Variants in SCPEP1 observed in about 807,000 individuals in gnomAD.
The protein encoded by SCPEP1 is serine carboxypeptidase 1.
In SCPEP1, 51 loss-of-function variants were observed where a neutral mutation model predicts 63.8. The observed-to-expected ratio is 0.80, with a 90% CI of 0.64 to 1.01. SCPEP1 has a LOEUF of 1.01. SCPEP1 is among the 50% of genes least tolerant of loss of function. SCPEP1 has a pLI of 0.00. For synonymous variants in SCPEP1, 204 were observed against 207.8 expected, an observed-to-expected ratio of 0.98 and a Z score of 0.16; for missense variants, 499 against 554.9, an observed-to-expected ratio of 0.90 and a Z score of 1.01.
At chr17:56,996,820 A>G (rs1911578470) in intron 8 of SCPEP1, 142 bp from the exon 9 acceptor site, 1 of 526,550 alleles carries the variant, frequency 1.9e-6, no homozygotes, top group African/African-American at 1.9e-5. Flanking sequence ...GGCCCAGCCA[A>G]AGCTCTATTT....
chr17:56,988,595 C>A (rs1911295164), intron 5 of SCPEP1, among the ~76,000 whole-genome samples: 1 of 150,760 alleles, frequency 6.6e-6, no homozygotes, highest in Non-Finnish European at 1.5e-5. Context: ...GTATGTGTAT[C>A]ATATATTTGT....
chr17:56,978,314 T>C, intron 1 of SCPEP1, 79 bp downstream of exon 1: 2 of 1,421,688 alleles, frequency 1.4e-6, no homozygotes, highest in Non-Finnish European at 1.9e-6. Context: ...GGGTTTGTGC[T>C]TTTGAAAACA....
At chr17:57,004,437 T>C (rs994751425) in intron 12 of SCPEP1, among the ~76,000 whole-genome samples, 1 of 152,194 alleles carries the variant, frequency 6.6e-6, no homozygotes, top group Non-Finnish European at 1.5e-5. Flanking sequence ...GAGGGCATTA[T>C]TTATGGCTCT....
chr17:56,996,706 GA>G (rs1911573865), intron 8 of SCPEP1, among the ~76,000 whole-genome samples: 1 of 149,084 alleles, frequency 6.7e-6, no homozygotes, highest in Non-Finnish European at 1.5e-5. Context: ...TTTCAGTAGA[GA>G]GGGGTTTCAC....
rs746785694 is a variant in SCPEP1 at position 57,002,042 on chromosome 17, T to G, written c.1157T>G (p.Leu386Arg). ...GGTCAGGAGGCCTGGGTGCGGAAAC[T>G]GAAGTGGCCAGAACTGCCTAAATTC... ...TMGQEAWVRK[L>R]KWPELPKFSQ... Residue 386 changes from leucine (L) to arginine (R), a missense_variant, in exon 12 of 13, where the codon CTG (leucine) becomes CGG (arginine). Physicochemically the swap from Leu to Arg is moderately radical, Grantham distance 102 (BLOSUM62 -2). Coordinates refer to ENST00000262288, the MANE Select transcript of SCPEP1 (RefSeq NM_021626.3). 6.2e-7 allele frequency: 1 copy of G among 1,614,130 alleles called. No individual in the cohort carries two copies. The highest frequency in any genetic ancestry group is 1.1e-5 in the South Asian group (1 of 91,066).
At chr17:57,004,409 C>G (rs1399663091) in intron 12 of SCPEP1, among the ~76,000 whole-genome samples, 3 of 152,106 alleles carry the variant, frequency 2.0e-5, no homozygotes, top group Non-Finnish European at 4.4e-5. Flanking sequence ...ACAAACAAGG[C>G]AGCAGGGCAC....
At chr17:56,992,689 T>C (rs1911436763) in intron 6 of SCPEP1, among the ~76,000 whole-genome samples, 2 of 152,184 alleles carry the variant, frequency 1.3e-5, no homozygotes, top group South Asian at 4.1e-4. Flanking sequence ...GCTATCATTA[T>C]CCTAATTTTG....
chr17:56,996,195 T>A (rs952801637), intron 8 of SCPEP1, among the ~76,000 whole-genome samples: 1 of 152,062 alleles, frequency 6.6e-6, no homozygotes, highest in African/African-American at 2.4e-5. Flanking sequence ...TTTTTACTTT[T>A]TCTTTTTTCC....
intron 12 of SCPEP1, among the ~76,000 whole-genome samples, chr17:57,002,886 A>G (rs1911782625): frequency 6.6e-6 from 1 of 151,786 alleles, no homozygotes; most frequent in Non-Finnish European, 1.5e-5. Context: ...AAAAAAAAAA[A>G]AAAAAGAAAA....
intron 6 of SCPEP1, among the ~76,000 whole-genome samples, chr17:56,993,468 A>G (rs1174460319): frequency 6.6e-6 from 1 of 152,074 alleles, no homozygotes; most frequent in East Asian, 1.9e-4. Context: ...TTTGAGATGG[A>G]GTTTTGCTCT....
intron 5 of SCPEP1, among the ~76,000 whole-genome samples, chr17:56,990,842 C>T (rs1478428567): frequency 6.6e-6 from 1 of 151,948 alleles, no homozygotes; most frequent in Non-Finnish European, 1.5e-5. Context: ...GCCATGCTGC[C>T]CAGGCTAGCC....
chr17:56,986,778 C>G (rs996248521), intron 3 of SCPEP1, among the ~76,000 whole-genome samples: 8 of 152,056 alleles, frequency 5.3e-5, no homozygotes, highest in African/African-American at 1.9e-4. Flanking sequence ...ATCTCCTGAC[C>G]TCGTGATCCT....
chr17:57,005,518 G>A (rs528121546), intron 12 of SCPEP1, among the ~76,000 whole-genome samples: 2 of 152,260 alleles, frequency 1.3e-5, no homozygotes, highest in East Asian at 1.9e-4. Flanking sequence ...AAGGATGGGT[G>A]TGCCATAGAG....
In SCPEP1 at chr17:56,998,433, G is replaced by C; in HGVS notation, c.929G>C (p.Ser310Thr). Reference protein sequence around the residue: ...HVRHLQRDALSQLMNGPIRKK... With the variant: ...HVRHLQRDALTQLMNGPIRKK... ...AGACACCTACAACGAGATGCCTTAAGCCAGCTCATGAATGGCCCCATCAGA... is the reference window on the plus strand; with the variant it reads ...AGACACCTACAACGAGATGCCTTAACCCAGCTCATGAATGGCCCCATCAGA... The change falls in exon 10 of 13, where the codon AGC becomes ACC. Residue 310 changes from serine to threonine, a missense_variant. By Grantham distance (58) the Ser-to-Thr change is moderately conservative. Coordinates refer to ENST00000262288, the MANE Select transcript of SCPEP1 (RefSeq NM_021626.3). The C allele has an allele frequency of 6.2e-7, 1 of 1,613,884 alleles. No homozygotes were observed. The highest frequency in any genetic ancestry group is 2.2e-5 in the East Asian group (1 of 44,872).
intron 3 of SCPEP1, 23 bp from the exon 4 acceptor site, chr17:56,987,672 T>C: frequency 6.2e-7 from 1 of 1,605,320 alleles, no homozygotes; most frequent in East Asian, 2.2e-5. Context: ...TTGCAACATT[T>C]CGTTTTCCTC....
Position 57,001,683 on chromosome 17 carries a change from C to G in SCPEP1, c.1133-335C>G, listed in dbSNP as rs186278658. Among the ~76,000 whole-genome samples the G allele has an allele frequency of 9.8e-5, 15 of 152,340 alleles. 1 individual carries two copies. The highest frequency in any genetic ancestry group is 9.6e-4 in the East Asian group (5 of 5,186). ...GTGATCCTTATCACTATCTCGTTCA[C>G]GACATCTCTCAGTCCTCCTCACAGG... is the stretch of plus-strand genomic sequence containing the variant. On this transcript the variant is annotated intron_variant, in intron 11 of 12. Coordinates refer to ENST00000262288, the MANE Select transcript of SCPEP1 (RefSeq NM_021626.3).
rs1174225621 is a variant in SCPEP1, at chr17:56,979,291, T to C, written c.76+1056T>C. On this transcript the variant is annotated intron_variant, in intron 1 of 12. Transcript: ENST00000262288. ...GACACAGGCCACCACCCTGGCTCTT[T>C]CTTATTTACAAGACGTTGTCTCATT... Among the ~76,000 whole-genome samples the C allele has an allele frequency of 5.3e-5, 8 of 152,308 alleles. 1 individual carries two copies. The South Asian group carries it at 8.3e-4, about 16-fold the overall frequency.
At chr17:56,998,092 C>T in intron 9 of SCPEP1, 1 of 293,744 alleles carries the variant, frequency 3.4e-6, no homozygotes, top group South Asian at 3.5e-5. Context: ...GCGGGTGGAT[C>T]ATGAGGACAA....
rs566014258 is a variant in SCPEP1 at position 56,988,665 on chromosome 17, G to T, written c.546+375G>T. Among the ~76,000 whole-genome samples, 10 of 151,776 alleles carry T rather than the reference G, an allele frequency of 6.6e-5. No homozygotes were observed. The South Asian group carries it at 2.1e-3, about 32-fold the overall frequency. On this transcript the variant is annotated intron_variant, in intron 5 of 12. Coordinates refer to ENST00000262288, the MANE Select transcript of SCPEP1 (RefSeq NM_021626.3). ...TAAGATAACGTTTCAAATCATTGGG[G>T]CATGGATATAATGTCGATAAATGTT...
Sources: allele counts gnomAD v4.1 joint callset (sites outside exome capture counted in the v4.1 genomes callset), GRCh38; gene constraint gnomAD v4.1.1; transcripts MANE v1.5; gene names NCBI Gene and HGNC (gene_info 2026-07-23, HGNC 2026-07-21).